Variants in CYLD observed in about 807,000 individuals in gnomAD.
CYLD encodes ubiquitin carboxyl-terminal hydrolase CYLD.
CYLD carries 26 observed loss-of-function variants against 104.5 expected under a neutral mutation model. That is an observed-to-expected ratio of 0.25 (90% CI 0.18 to 0.35). CYLD has a LOEUF of 0.35. Among genes scored for constraint, CYLD ranks in the 10% least tolerant of loss-of-function variants. The probability of loss-of-function intolerance (pLI) is 1.00; values close to 1 mark genes in which losing one functional copy is unlikely to be tolerated. For synonymous variants in CYLD, 385 were observed against 399.9 expected, an observed-to-expected ratio of 0.96 and a Z score of 0.45; for missense variants, 703 against 1,136.1, an observed-to-expected ratio of 0.62 and a Z score of 5.48.
chr16:50,745,057 A>C (rs983062188), intron 2 of CYLD, among the ~76,000 whole-genome samples: 1 of 152,216 alleles, frequency 6.6e-6, no homozygotes, highest in Non-Finnish European at 1.5e-5. Flanking sequence ...TTCAGTATTT[A>C]TTACCAAGAT....
intron 2 of CYLD, among the ~76,000 whole-genome samples, chr16:50,748,557 TAAATAAAATAAAAATAAATGAAAATTTG>T (rs1040228854): frequency 2.6e-5 from 4 of 151,354 alleles, no homozygotes; most frequent in Non-Finnish European, 5.9e-5. Context: ...TAAAAATAAA[TAAATAAAATAAAAATAAATGAAAATTTG>T]AAAAAGAAAT....
At chr16:50,744,512 T>C (rs998587902) in intron 2 of CYLD, among the ~76,000 whole-genome samples, 1 of 152,226 alleles carries the variant, frequency 6.6e-6, no homozygotes, top group Non-Finnish European at 1.5e-5. Context: ...TTGTAAGTTT[T>C]ATTCTAATTT....
rs1972118329 is a variant in CYLD, at chr16:50,797,119, TGTTCTG to T, written c.*615_*620del. ...TCCCTTAATGGTGTTGTTTTCTATT[TGTTCTG>T]GTTTTGAGATAAATGAGTGATTCTG... is the stretch of plus-strand genomic sequence containing the variant. On this transcript the variant is annotated 3_prime_UTR_variant, in exon 19 of 19. Coordinates refer to ENST00000427738, the MANE Select transcript of CYLD (RefSeq NM_001378743.1). 4.3e-6 allele frequency: 1 copy of T among 233,846 alleles called. No individual in the cohort carries two copies. The highest frequency in any genetic ancestry group is 8.4e-6 in the Non-Finnish European group (1 of 118,582). 14.5% of individuals were successfully genotyped at this position (233,846 alleles called of 1,614,324 possible).
chr16:50,794,742 T>A lies in CYLD; in HGVS notation c.2686+314T>A. 7.6e-6 allele frequency: 3 copies of A among 396,660 alleles called. No homozygotes were observed. Among genetic ancestry groups the A allele is most frequent in the South Asian group, 6.4e-5 (3 of 46,924 alleles). 24.6% of individuals were successfully genotyped at this position (396,660 alleles called of 1,614,324 possible). ...TTCAAGCAATCCTCCCACCTCAGCC[T>A]CCTGAGTAGCTGGGACTACACGCAT... On this transcript the variant is annotated intron_variant, in intron 18 of 18. Coordinates refer to ENST00000427738, the MANE Select transcript of CYLD (RefSeq NM_001378743.1). The surrounding 1 kb of genome is among the most constrained non-coding windows in gnomAD (Gnocchi z 4.1).
intron 2 of CYLD, among the ~76,000 whole-genome samples, chr16:50,745,362 G>GTTTTTTTTTTTTTTTTTTTT (rs535675323): frequency 1.3e-5 from 1 of 78,754 alleles, no homozygotes; most frequent in African/African-American, 5.4e-5. Context: ...TTTCCTCTTT[G>GTTTTTTTTTTTTTTTTTTTT]TTTTTTTTTT....
chr16:50,767,293 A>G (rs1375136932), intron 5 of CYLD, among the ~76,000 whole-genome samples: 5 of 152,198 alleles, frequency 3.3e-5, no homozygotes, highest in African/African-American at 1.2e-4. Flanking sequence ...CAATAACATA[A>G]TGGTATTGCA....
At chr16:50,746,110 T>G (rs947388957) in intron 2 of CYLD, among the ~76,000 whole-genome samples, 13 of 152,210 alleles carry the variant, frequency 8.5e-5, no homozygotes, top group Non-Finnish European at 1.6e-4. Flanking sequence ...TGATCATGGC[T>G]TGCTGCAGTC....
Position 50,750,067 on chromosome 16 carries a change from C to A in CYLD, c.369C>A (p.Leu123=), listed in dbSNP as rs2150897058. ...ACAGAAACAGACTAAGTAAAGGCCT[C>A]CAAATAGACGTGGGCTGTCCTGTGA... The part of the protein sequence containing the change: ...FKNRNRLSKG[L]QIDVGCPVKV... Residue 123 remains leucine (L), a synonymous_variant, in exon 3 of 19, where the codon CTC becomes CTA. Transcript: ENST00000427738. 6.2e-7 allele frequency: 1 copy of A among 1,614,098 alleles called. No homozygotes were observed. The highest frequency in any genetic ancestry group is 8.5e-7 in the Non-Finnish European group (1 of 1,179,994).
chr16:50,754,943 A>G (rs1040534455), intron 5 of CYLD, among the ~76,000 whole-genome samples: 3 of 147,896 alleles, frequency 2.0e-5, no homozygotes, highest in African/African-American at 7.4e-5. Context: ...ATATGTATAT[A>G]TACACACATA....
Position 50,796,707 on chromosome 16 carries a change from A to G in CYLD, c.*199A>G. On this transcript the variant is annotated 3_prime_UTR_variant, in exon 19 of 19. Coordinates refer to ENST00000427738, the MANE Select transcript of CYLD (RefSeq NM_001378743.1). ...TTTAATAAGAAGCATTTTGCACTCT[A>G]GAAAGTATGTTTGTGTTGGTTTTTT... 1.7e-6 allele frequency: 1 copy of G among 598,064 alleles called. No individual in the cohort carries two copies. Among genetic ancestry groups the G allele is most frequent in the Non-Finnish European group, 3.0e-6 (1 of 335,060 alleles). The allele number at this position is 598,064 out of a possible 1,614,324, so 37.0% of individuals were successfully genotyped here. A position where few individuals can be genotyped will look rare whatever the true frequency, so the allele number is the denominator to read the frequency against.
At chr16:50,774,573 T>G (rs1969474973) in intron 5 of CYLD, among the ~76,000 whole-genome samples, 1 of 152,206 alleles carries the variant, frequency 6.6e-6, no homozygotes, top group Non-Finnish European at 1.5e-5. Flanking sequence ...GTAAGCACTG[T>G]GATACTGCAA....
chr16:50,755,000 T>C (rs1310963949), intron 5 of CYLD, among the ~76,000 whole-genome samples: 3 of 11,190 alleles, frequency 2.7e-4, no homozygotes, highest in South Asian at 1.2e-3. Flanking sequence ...TATATATGTA[T>C]ATATACATAT....
chr16:50,763,730 A>T (rs1340765329), intron 5 of CYLD, among the ~76,000 whole-genome samples: 2 of 152,166 alleles, frequency 1.3e-5, no homozygotes, highest in Admixed American at 6.5e-5. Flanking sequence ...TTTTATTTTT[A>T]AAAATGGTTT....
intron 14 of CYLD, among the ~76,000 whole-genome samples, chr16:50,790,417 C>T (rs1971311654): frequency 6.6e-6 from 1 of 152,178 alleles, no homozygotes; most frequent in Non-Finnish European, 1.5e-5. Flanking sequence ...CTACTTACCT[C>T]TACTACTTCC....
intron 5 of CYLD, among the ~76,000 whole-genome samples, chr16:50,764,116 GT>G (rs1760923204): frequency 6.6e-6 from 1 of 152,032 alleles, no homozygotes; most frequent in African/African-American, 2.4e-5. Context: ...TTTGCATCCT[GT>G]TTTTAAAATC....
chr16:50,761,574 C>T (rs1967927826), intron 5 of CYLD, among the ~76,000 whole-genome samples: 1 of 152,112 alleles, frequency 6.6e-6, no homozygotes, highest in Admixed American at 6.5e-5. Flanking sequence ...GTGCATTTCA[C>T]TTGGTGTGAT....
intron 14 of CYLD, among the ~76,000 whole-genome samples, chr16:50,789,762 A>G (rs1470273859): frequency 6.6e-6 from 1 of 152,252 alleles, no homozygotes; most frequent in Admixed American, 6.5e-5. Flanking sequence ...TAAATAGTCT[A>G]AAAGAGACTA....
chr16:50,796,663 C>A lies in CYLD; in HGVS notation c.*155C>A. On this transcript the variant is annotated 3_prime_UTR_variant, in exon 19 of 19. Coordinates refer to ENST00000427738, the MANE Select transcript of CYLD (RefSeq NM_001378743.1). ...GATGCCTCTGTTTAAAAACAAATTG[C>A]TTTTGTGTCCCTGAAGTATTTAATA... 2 of 753,274 alleles carry A rather than the reference C, an allele frequency of 2.7e-6. No homozygotes were observed. The highest frequency in any genetic ancestry group is 4.6e-6 in the Non-Finnish European group (2 of 438,746). The allele number at this position is 753,274 out of a possible 1,614,324, so 46.7% of individuals were successfully genotyped here.
At position 50,749,757 on chromosome 16, in the gene CYLD, T is replaced by G. The variant is rs764097337; in HGVS notation, c.59T>G (p.Ile20Ser). The change falls in exon 3 of 19, where the codon ATT becomes AGT. Residue 20 changes from isoleucine to serine, a missense_variant. By Grantham distance (142) the Ile-to-Ser change is moderately radical. Transcript: ENST00000427738. Reference sequence around the variant, plus strand: ...ACTTCACCCTACTGGGAAGAGCGGATTTTTTACTTGCTTCTTCAAGAATGC... The same window carrying G: ...ACTTCACCCTACTGGGAAGAGCGGAGTTTTTACTTGCTTCTTCAAGAATGC... Reference protein sequence around the residue: ...KVTSPYWEERIFYLLLQECSV... With the variant: ...KVTSPYWEERSFYLLLQECSV... 48 of 1,613,706 alleles carry G rather than the reference T, an allele frequency of 3.0e-5. No homozygotes were observed. The highest frequency in any genetic ancestry group is 8.8e-5 in the South Asian group (8 of 91,040).
Sources: gnomAD v4.1 joint callset for allele counts (sites outside exome capture counted in the v4.1 genomes callset) on GRCh38, gnomAD v4.1.1 for gene constraint, Gnocchi (gnomAD v3.1) non-coding constraint, MANE v1.5 for transcripts, NCBI Gene and HGNC (gene_info 2026-07-23, HGNC 2026-07-21) for gene names.